TENT4A: variants seen among roughly 807,000 people sequenced by gnomAD.
The protein encoded by TENT4A is DNA polymerase kappa.
Under a neutral mutation model 72.8 loss-of-function variants are expected in TENT4A, and 7 were observed. The observed-to-expected ratio is 0.10, with a 90% CI of 0.05 to 0.18. TENT4A has a LOEUF of 0.18. Ranked by LOEUF, TENT4A falls within the 10% of genes least tolerant of loss-of-function variation. The pLI, the probability that TENT4A is intolerant of heterozygous loss-of-function variation, is 1.00. For synonymous variants in TENT4A, 456 were observed against 434.3 expected (o/e 1.05, Z -0.62); for missense variants, 831 against 1,017.7 (o/e 0.82, Z 2.50).
intron 4 of TENT4A, among the ~76,000 whole-genome samples, chr5:6,740,573 T>C (rs772914667): frequency 7.3e-6 from 1 of 137,382 alleles, no homozygotes; most frequent in Non-Finnish European, 1.6e-5. Flanking sequence ...TGTGTGGTGA[T>C]AGGGGAGGGG....
At chr5:6,747,202 C>G (rs982469378) in intron 7 of TENT4A, among the ~76,000 whole-genome samples, 1 of 152,086 alleles carries the variant, frequency 6.6e-6, no homozygotes, top group African/African-American at 2.4e-5. Flanking sequence ...AAATCGTTGG[C>G]GGACGGGTGA....
At chr5:6,730,104 C>CTT (rs1741131999) in intron 1 of TENT4A, among the ~76,000 whole-genome samples, 2 of 149,872 alleles carry the variant, frequency 1.3e-5, no homozygotes, top group African/African-American at 4.9e-5. Flanking sequence ...CGCCCCCCCC[C>CTT]GGAGTGGCCC....
At chr5:6,725,859 A>T (rs1170300687) in intron 1 of TENT4A, among the ~76,000 whole-genome samples, 1 of 152,182 alleles carries the variant, frequency 6.6e-6, no homozygotes, top group Non-Finnish European at 1.5e-5. Context: ...CCAAATTATT[A>T]ATTTTGCTTG....
At chr5:6,744,623 C>T (rs183719392) in intron 6 of TENT4A, among the ~76,000 whole-genome samples, 133 of 152,300 alleles carry the variant, frequency 8.7e-4, no homozygotes, top group Non-Finnish European at 5.7e-4. Flanking sequence ...ATAGTAGAAT[C>T]ACTGGGTAAC....
rs975013004 is a variant in TENT4A, at chr5:6,714,088, G to C, written c.105G>C (p.Ser35=). The C allele has an allele frequency of 3.0e-6, 3 of 984,960 alleles. No individual in the cohort carries two copies. Among genetic ancestry groups the C allele is most frequent in the Non-Finnish European group, 1.2e-6 (1 of 831,754 alleles). 61.0% of individuals were successfully genotyped at this position (984,960 alleles called of 1,614,324 possible). A position where few individuals can be genotyped will look rare whatever the true frequency, so the allele number is the denominator to read the frequency against. Residue 35 remains serine (S), a synonymous_variant, in exon 1 of 13, where the codon TCG becomes TCC. Coordinates refer to ENST00000230859, the MANE Select transcript of TENT4A (RefSeq NM_006999.6). ...ETSQGVGRGG[S]GFASYFCLNS... Reference sequence around the variant, plus strand: ...CGCAGGGCGTGGGCCGCGGCGGCTCGGGCTTCGCGTCCTATTTCTGCCTCA... The same window carrying C: ...CGCAGGGCGTGGGCCGCGGCGGCTCCGGCTTCGCGTCCTATTTCTGCCTCA...
intron 1 of TENT4A, among the ~76,000 whole-genome samples, chr5:6,724,516 G>C (rs1264353733): frequency 6.6e-6 from 1 of 152,156 alleles, no homozygotes; most frequent in South Asian, 2.1e-4. Flanking sequence ...ACTCACAAGA[G>C]ACTGATGTTC....
chr5:6,742,109 T>TA (rs1389110064), intron 4 of TENT4A, among the ~76,000 whole-genome samples: 12 of 152,194 alleles, frequency 7.9e-5, no homozygotes, highest in Non-Finnish European at 1.0e-4. Flanking sequence ...GCTTCGAAGT[T>TA]ACATTAAATG....
rs77504406 is a variant in TENT4A at position 6,738,970 on chromosome 5, G to A, written c.887+241G>A. On this transcript the variant is annotated intron_variant, in intron 3 of 12. Transcript: ENST00000230859. ...TTGGGGTGCAAAAATGCTTCATGCT[G>A]GAAATATGAAGAAGACAGGTGGGAG... 1.2e-3 allele frequency among the ~76,000 whole-genome samples: 186 copies of A among 152,326 alleles called. 5 individuals carry two copies. The East Asian group carries it at 0.034, about 27-fold the overall frequency.
At chr5:6,719,379 A>G (rs1027025607) in intron 1 of TENT4A, among the ~76,000 whole-genome samples, 2 of 152,198 alleles carry the variant, frequency 1.3e-5, no homozygotes, top group Non-Finnish European at 2.9e-5. Flanking sequence ...AAAACAGCAA[A>G]CCTTGATATT....
At chr5:6,749,508 C>G (rs376153626) in intron 8 of TENT4A, 49 bp from the exon 9 acceptor site, 5 of 1,251,020 alleles carry the variant, frequency 4.0e-6, no homozygotes, top group Non-Finnish European at 5.9e-6. Flanking sequence ...GTTCTCAGCT[C>G]CCTGACACCT....
chr5:6,738,726 C>T lies in TENT4A; in HGVS notation c.884C>T (p.Thr295Ile). The T allele has an allele frequency of 1.2e-6, 2 of 1,610,580 alleles. No homozygotes were observed. The highest frequency in any genetic ancestry group is 1.7e-6 in the Non-Finnish European group (2 of 1,176,744). Residue 295 changes from threonine (T) to isoleucine (I), a missense_variant, in exon 3 of 13, where the codon ACT becomes ATT. By Grantham distance (89) the Thr-to-Ile change is moderately conservative (BLOSUM62 -1). Transcript: ENST00000230859. ...TTTAGTACAGGTCTTTATCTTCCAA[C>T]TAGGTGAGTACCAGACTGCATGGCA... Reference protein sequence around the residue: ...GSFSTGLYLPTSDIDLVVFGK... With the variant: ...GSFSTGLYLPISDIDLVVFGK...
intron 1 of TENT4A, among the ~76,000 whole-genome samples, chr5:6,725,832 A>C (rs1025014581): frequency 1.3e-5 from 2 of 152,204 alleles, no homozygotes; most frequent in Non-Finnish European, 2.9e-5. Context: ...TAAAAGTCTT[A>C]TCTTTACATA....
chr5:6,748,314 A>C lies in TENT4A; in HGVS notation c.1460-150A>C. The C allele has an allele frequency of 5.9e-6, 6 of 1,008,450 alleles. No homozygotes were observed. The South Asian group carries it at 8.7e-5, about 15-fold the overall frequency. 62.5% of individuals were successfully genotyped at this position (1,008,450 alleles called of 1,614,324 possible). On this transcript the variant is annotated intron_variant, in intron 7 of 12. Coordinates refer to ENST00000230859, the MANE Select transcript of TENT4A (RefSeq NM_006999.6). ...CCAGTGCCAAGTGCCACCCGTGCCC[A>C]TTGTGTTCGCCTGTCTGGGCTTTGC...
rs62349049 is a variant in TENT4A at position 6,739,811 on chromosome 5, G to A, written c.967G>A (p.Val323Met). The A allele has an allele frequency of 6.8e-6, 11 of 1,614,056 alleles. No individual in the cohort carries two copies. Among genetic ancestry groups the A allele is most frequent in the Non-Finnish European group, 9.3e-6 (11 of 1,180,010 alleles). The change falls in exon 4 of 13, where the codon GTG (valine) becomes ATG (methionine). Residue 323 changes from valine to methionine, a missense_variant. Transcript: ENST00000230859. ...LLEQALRKHN[V>M]AEPCSIKVLD... ...GGAGCAAGCCCTGCGGAAGCACAAC[G>A]TGGCTGAGCCGTGTTCCATCAAAGT...
chr5:6,742,115 A>G (rs983036483), intron 4 of TENT4A, among the ~76,000 whole-genome samples: 1 of 152,260 alleles, frequency 6.6e-6, no homozygotes, highest in African/African-American at 2.4e-5. Flanking sequence ...AAGTTACATT[A>G]AATGATTTCA....
intron 1 of TENT4A, among the ~76,000 whole-genome samples, chr5:6,716,248 A>G (rs1740382046): frequency 1.3e-5 from 2 of 152,144 alleles, no homozygotes; most frequent in South Asian, 2.1e-4. Flanking sequence ...GTGCTGTGCT[A>G]GGATCTGGGG....
intron 2 of TENT4A, 57 bp from the exon 3 acceptor site, chr5:6,738,626 G>GTTTTTT: frequency 1.6e-6 from 2 of 1,229,024 alleles, no homozygotes; most frequent in Non-Finnish European, 2.4e-6. Flanking sequence ...AGAAATAATG[G>GTTTTTT]TAGTGTGACT....
intron 1 of TENT4A, among the ~76,000 whole-genome samples, chr5:6,726,140 C>T (rs1031405721): frequency 3.9e-5 from 6 of 152,138 alleles, no homozygotes; most frequent in African/African-American, 1.4e-4. Context: ...TGCACCGAAC[C>T]CTTACCGAGG....
intron 1 of TENT4A, among the ~76,000 whole-genome samples, chr5:6,721,017 C>G (rs1384121062): frequency 1.3e-5 from 2 of 152,198 alleles, no homozygotes. Flanking sequence ...CACAAGAAAA[C>G]TCCCACACGG....
Sources: allele counts gnomAD v4.1 joint callset (sites outside exome capture counted in the v4.1 genomes callset), GRCh38; gene constraint gnomAD v4.1.1; transcripts MANE v1.5; gene names NCBI Gene and HGNC (gene_info 2026-07-23, HGNC 2026-07-21).